Variants in CTF1 observed in about 807,000 individuals in gnomAD.
CTF1 encodes the protein cardiotrophin-1.
CTF1 carries 9 observed loss-of-function variants against 10.9 expected under a neutral mutation model. The observed-to-expected ratio is 0.83, with a 90% CI of 0.50 to 1.44. CTF1 has a LOEUF of 1.44. CTF1 is among the 40% of genes most tolerant of loss of function. CTF1 has a pLI of 0.00. For synonymous variants in CTF1, 133 were observed against 138.8 expected (o/e 0.96, Z 0.29); for missense variants, 259 against 275.3 (o/e 0.94, Z 0.42).
chr16:30,902,159 C>G lies in CTF1; in HGVS notation c.226C>G (p.Pro76Ala), dbSNP rs2055406434. 1 of 1,320,890 alleles carries G rather than the reference C, an allele frequency of 7.6e-7. No homozygotes were observed. Among genetic ancestry groups the G allele is most frequent in the Admixed American group, 3.3e-5 (1 of 29,912 alleles). The allele number at this position is 1,320,890 out of a possible 1,614,324, so 81.8% of individuals were successfully genotyped here. Reference sequence around the variant, plus strand: ...GGTGGCCGGCCTGAGCGCCCCGGCTCCGAGCCACGCGGGGCTGCCAGTGCA... The same window carrying G: ...GGTGGCCGGCCTGAGCGCCCCGGCTGCGAGCCACGCGGGGCTGCCAGTGCA... ...LPVAGLSAPA[P>A]SHAGLPVHER... Residue 76 changes from proline to alanine, a missense_variant, in exon 3 of 3, where the codon CCG becomes GCG. By Grantham distance (27) the Pro-to-Ala change is conservative (BLOSUM62 -1). Coordinates refer to ENST00000279804, the MANE Select transcript of CTF1 (RefSeq NM_001330.5).
rs1035191400 is a variant in CTF1, at chr16:30,903,396, GTCC to G, written c.*862_*864del. On this transcript the variant is annotated 3_prime_UTR_variant, in exon 3 of 3. Coordinates refer to ENST00000279804, the MANE Select transcript of CTF1 (RefSeq NM_001330.5). ...TGGGCCTCAGCCCTGTCCCTTTGATGTCCTCCTTTCCTTCAGCCCCTCTGCCCT... is the reference window on the plus strand; with the variant it reads ...TGGGCCTCAGCCCTGTCCCTTTGATGTCCTTTCCTTCAGCCCCTCTGCCCT... 2 of 154,056 alleles carry G rather than the reference GTCC, an allele frequency of 1.3e-5. No homozygotes were observed. Among genetic ancestry groups the G allele is most frequent in the African/African-American group, 4.8e-5 (2 of 41,446 alleles). 9.5% of individuals were successfully genotyped at this position (154,056 alleles called of 1,614,324 possible).
intron 2 of CTF1, among the ~76,000 whole-genome samples, chr16:30,901,876 C>A (rs1216194359): frequency 6.6e-6 from 1 of 151,602 alleles, no homozygotes; most frequent in Non-Finnish European, 1.5e-5. Flanking sequence ...CAGTCTGGGT[C>A]CAGTTTAGGG....
At chr16:30,896,477 G>T, upstream of CTF1, 2 of 590,016 alleles carry the variant, frequency 3.4e-6, no homozygotes, top group Non-Finnish European at 2.5e-6. Flanking sequence ...CACGGACGAG[G>T]AGCTGAGCTC....
intron 1 of CTF1, among the ~76,000 whole-genome samples, chr16:30,898,802 G>A (rs778048295): frequency 6.6e-6 from 1 of 151,876 alleles, no homozygotes; most frequent in Non-Finnish European, 1.5e-5. Flanking sequence ...GGGACTACCG[G>A]CATGTGCCAC....
At chr16:30,895,992 C>G (rs1042570641), upstream of CTF1, among the ~76,000 whole-genome samples, 20 of 145,908 alleles carry the variant, frequency 1.4e-4, no homozygotes, top group African/African-American at 4.9e-4. Context: ...CCGTCTACAC[C>G]AGGTTAATGG....
intron 2 of CTF1, among the ~76,000 whole-genome samples, chr16:30,901,603 C>A (rs2055400470): frequency 6.6e-6 from 1 of 152,070 alleles, no homozygotes; most frequent in Non-Finnish European, 1.5e-5. Context: ...GAGACAGGGT[C>A]TGACTCTCAC....
At chr16:30,896,502 C>T, upstream of CTF1, 3 of 761,648 alleles carry the variant, frequency 3.9e-6, no homozygotes, top group Non-Finnish European at 3.7e-6. Context: ...CCAAGGAATC[C>T]TGTCTCAAAA....
At chr16:30,901,968 T>A in intron 2 of CTF1, 110 bp from the exon 3 acceptor site, 1 of 1,027,332 alleles carries the variant, frequency 9.7e-7, no homozygotes. Context: ...GGGATTATCA[T>A]CTGCAAGATG....
chr16:30,898,398 C>A (rs11862965), intron 1 of CTF1, among the ~76,000 whole-genome samples: 3,291 of 152,146 alleles, frequency 0.022, 108 homozygotes, highest in African/African-American at 0.076. Flanking sequence ...GTGATCCGCC[C>A]GCCTCATCCT....
At chr16:30,901,428 T>C (rs1329909620) in intron 2 of CTF1, among the ~76,000 whole-genome samples, 1 of 152,170 alleles carries the variant, frequency 6.6e-6, no homozygotes, top group African/African-American at 2.4e-5. Flanking sequence ...AGCTAGTAAG[T>C]GGTGAAGATA....
chr16:30,896,246 G>C (rs1018824293), upstream of CTF1, among the ~76,000 whole-genome samples: 9 of 152,154 alleles, frequency 5.9e-5, no homozygotes, highest in Non-Finnish European at 1.0e-4. Flanking sequence ...CCGCGCCCCA[G>C]ACTAGAGAGA....
Position 30,902,529 on chromosome 16 carries a change from G to C in CTF1, c.596G>C (p.Gly199Ala), listed in dbSNP as rs776753331. Residue 199 changes from glycine (G) to alanine (A), a missense_variant, in exon 3 of 3, where the codon GGC (glycine) becomes GCC (alanine). Gly to Ala is a moderately conservative substitution (Grantham distance 60). Coordinates refer to ENST00000279804, the MANE Select transcript of CTF1 (RefSeq NM_001330.5). ...GACCTGGGCCAGCTGCTGCCCGGGGGCTCGGCCTGAGCGCCGCGGGGCAGC... is the reference window on the plus strand; with the variant it reads ...GACCTGGGCCAGCTGCTGCCCGGGGCCTCGGCCTGAGCGCCGCGGGGCAGC... ...EGDLGQLLPG[G>A]SA is the part of the protein sequence containing the mutation. The C allele has an allele frequency of 2.0e-6, 3 of 1,497,796 alleles. No individual in the cohort carries two copies. The highest frequency in any genetic ancestry group is 2.7e-6 in the Non-Finnish European group (3 of 1,128,300). 92.8% of individuals were successfully genotyped at this position (1,497,796 alleles called of 1,614,324 possible). A position where few individuals can be genotyped will look rare whatever the true frequency, so the allele number is the denominator to read the frequency against.
Position 30,902,505 on chromosome 16 carries a change from AC to A in CTF1, c.574del (p.Leu192TrpfsTer118). 1 of 1,492,028 alleles carries A rather than the reference AC, an allele frequency of 6.7e-7. No individual in the cohort carries two copies. Among genetic ancestry groups the A allele is most frequent in the Non-Finnish European group, 8.9e-7 (1 of 1,125,162 alleles). The allele number at this position is 1,492,028 out of a possible 1,614,324, so 92.4% of individuals were successfully genotyped here. On this transcript the variant is annotated frameshift_variant, in exon 3 of 3. Transcript: ENST00000279804. LOFTEE classifies it high-confidence loss of function. ...YREWLSRTEG[D>X]LGQLLPGGSA ...GAGTGGCTGAGCCGCACCGAGGGCG[AC>A]CTGGGCCAGCTGCTGCCCGGGGGCT...
upstream of CTF1, chr16:30,896,588 T>C: frequency 8.0e-7 from 1 of 1,252,676 alleles, no homozygotes; most frequent in Non-Finnish European, 1.0e-6. Context: ...CCCTTTCCCC[T>C]TTCTCCCCCC....
chr16:30,900,082 C>T (rs890262170), intron 2 of CTF1, among the ~76,000 whole-genome samples: 1 of 152,186 alleles, frequency 6.6e-6, no homozygotes, highest in African/African-American at 2.4e-5. Context: ...GTTCTAGGCT[C>T]TGCGTGACCT....
chr16:30,896,617 G>T lies in CTF1; in HGVS notation c.-27G>T. ...TCCCCCCTCGAAAGGGGGGCGTGAA[G>T]GGAGCCGGGATCAGCCAGGGGCCAG... On this transcript the variant is annotated 5_prime_UTR_variant, in exon 1 of 3. It adds an upstream start codon to the 5' untranslated region. Transcript: ENST00000279804. 8.0e-7 allele frequency: 1 copy of T among 1,253,598 alleles called. No homozygotes were observed. Among genetic ancestry groups the T allele is most frequent in the Non-Finnish European group, 1.0e-6 (1 of 990,492 alleles). The allele number at this position is 1,253,598 out of a possible 1,614,324, so 77.7% of individuals were successfully genotyped here.
chr16:30,899,492 C>A lies in CTF1; in HGVS notation c.103C>A (p.His35Asn), dbSNP rs771080334. ...GATCCGTCAGACACACAGCCTTGCG[C>A]ACCTCCTCACCAAATACGCTGAGCA... ...AKIRQTHSLA[H>N]LLTKYAEQLL... The change falls in exon 2 of 3, where the codon CAC (histidine) becomes AAC (asparagine). Residue 35 changes from histidine to asparagine, a missense_variant. Physicochemically the swap from His to Asn is moderately conservative, Grantham distance 68 (BLOSUM62 1). Transcript: ENST00000279804. 3.1e-6 allele frequency: 5 copies of A among 1,612,296 alleles called. No individual in the cohort carries two copies. In the East Asian group the frequency reaches 1.1e-4, roughly 36 times the overall value.
At position 30,899,509 on chromosome 16, in the gene CTF1, C is replaced by T. The variant is rs8059269; in HGVS notation, c.120C>T (p.Tyr40=). 3.9e-3 allele frequency: 6,321 copies of T among 1,604,656 alleles called. 211 individuals carry two copies. The African/African-American group carries it at 0.076, about 19-fold the overall frequency. The part of the protein sequence containing the change: ...THSLAHLLTK[Y]AEQLLQEYVQ... ...GCCTTGCGCACCTCCTCACCAAATA[C>T]GCTGAGCAGCTGCTCCAGGAATATG... is the stretch of plus-strand genomic sequence containing the variant. The change falls in exon 2 of 3, where the codon TAC becomes TAT. Residue 40 remains tyrosine (Y), a synonymous_variant. Transcript: ENST00000279804.
At chr16:30,899,613 T>C (rs1223188076) in intron 2 of CTF1, 80 bp downstream of exon 2, 90 of 848,266 alleles carry the variant, frequency 1.1e-4, no homozygotes, top group Non-Finnish European at 2.1e-5. Flanking sequence ...TCACCCATTC[T>C]CTCAACCTCA....
Sources: allele counts gnomAD v4.1 joint callset (sites outside exome capture counted in the v4.1 genomes callset), GRCh38; gene constraint gnomAD v4.1.1; transcripts MANE v1.5; gene names NCBI Gene and HGNC (gene_info 2026-07-23, HGNC 2026-07-21).